Variants in SLC25A26 observed in about 807,000 individuals in gnomAD.
SLC25A26 encodes the protein mitochondrial S-adenosylmethionine carrier protein.
A neutral mutation model predicts 37.8 loss-of-function variants in SLC25A26; 36 were observed. That is an observed-to-expected ratio of 0.95 (90% CI 0.73 to 1.26). The LOEUF (loss-of-function observed/expected upper bound fraction) is 1.26, where lower values mean the gene tolerates loss of function less well. SLC25A26 is among the 50% of genes most tolerant of loss of function. The pLI is 0.00. For synonymous variants in SLC25A26, 129 were observed against 122.5 expected (o/e 1.05, Z -0.35); for missense variants, 390 against 331.1 (o/e 1.18, Z -1.38).
intron 5 of SLC25A26, among the ~76,000 whole-genome samples, chr3:66,332,989 C>A (rs1308676983): frequency 6.6e-6 from 1 of 152,048 alleles, no homozygotes; most frequent in African/African-American, 2.4e-5. Flanking sequence ...GGGTTTGCTA[C>A]TTTTCTCTTA....
intron 5 of SLC25A26, among the ~76,000 whole-genome samples, chr3:66,266,748 C>T (rs925165758): frequency 6.6e-6 from 1 of 151,886 alleles, no homozygotes; most frequent in South Asian, 2.1e-4. Context: ...TGATCTTTGC[C>T]AAATGAGATG....
rs548750540 is a variant in SLC25A26, at chr3:66,336,352, C to G, written c.454-10012C>G. Among the ~76,000 whole-genome samples the G allele has an allele frequency of 4.6e-5, 7 of 152,102 alleles. No homozygotes were observed. The South Asian group carries it at 1.0e-3, about 23-fold the overall frequency. ...TCTTTGTTATCTCAGTAAAGAGATG[C>G]TAAAATGTGCTGCTGAAAGGGAAGG... On this transcript the variant is annotated intron_variant, in intron 5 of 9. Transcript: ENST00000354883.
chr3:66,175,949 C>G (rs140601426), intron 1 of SLC25A26, among the ~76,000 whole-genome samples: 1 of 152,058 alleles, frequency 6.6e-6, no homozygotes, highest in Non-Finnish European at 1.5e-5. Flanking sequence ...TAATTATCAC[C>G]CATACAGACA....
rs751071697 is a variant in SLC25A26, at chr3:66,267,738, A to G, written c.453+4359A>G. ...GTCAACATGCCAAACAAGTAATTCAATCTGTTCAGTAAGTTCATTGAAGCC... is the reference window on the plus strand; with the variant it reads ...GTCAACATGCCAAACAAGTAATTCAGTCTGTTCAGTAAGTTCATTGAAGCC... On this transcript the variant is annotated intron_variant, in intron 5 of 9. Transcript: ENST00000354883. 3.7e-4 allele frequency among the ~76,000 whole-genome samples: 56 copies of G among 152,350 alleles called. 1 individual carries two copies. The highest frequency in any genetic ancestry group is 1.0e-3 in the African/African-American group (42 of 41,586).
intron 5 of SLC25A26, among the ~76,000 whole-genome samples, chr3:66,341,816 A>C (rs1205529933): frequency 1.3e-5 from 2 of 152,126 alleles, no homozygotes; most frequent in Non-Finnish European, 2.9e-5. Context: ...AAATAAATGA[A>C]CTGTAGTTGT....
In SLC25A26 at chr3:66,369,544, T is replaced by C; in HGVS notation, c.633+2T>C. ...AAGACAAGAATTACGCTGGCAAAGG[T>C]AAGTGGTGAAATAATGTAATGGAGA... On this transcript the variant is annotated splice_donor_variant, in intron 8 of 9. Transcript: ENST00000354883. LOFTEE classifies it high-confidence loss of function. 6.3e-7 allele frequency: 1 copy of C among 1,592,096 alleles called. No homozygotes were observed. The highest frequency in any genetic ancestry group is 1.1e-5 in the South Asian group (1 of 87,094).
intron 6 of SLC25A26, among the ~76,000 whole-genome samples, chr3:66,360,264 C>A (rs1053339599): frequency 6.6e-6 from 1 of 152,130 alleles, no homozygotes; most frequent in Non-Finnish European, 1.5e-5. Flanking sequence ...AAATGTCAGA[C>A]CACTCTCAGA....
intron 1 of SLC25A26, among the ~76,000 whole-genome samples, chr3:66,190,675 C>G (rs960780208): frequency 6.6e-6 from 1 of 152,110 alleles, no homozygotes; most frequent in Non-Finnish European, 1.5e-5. Context: ...GTGATTGACC[C>G]GCCTCAGCCT....
chr3:66,136,175 A>C (rs2069944177), intron 1 of SLC25A26, among the ~76,000 whole-genome samples: 1 of 152,198 alleles, frequency 6.6e-6, no homozygotes, highest in African/African-American at 2.4e-5. Flanking sequence ...TCTACTTGCA[A>C]ATTTATTTCA....
At chr3:66,145,739 C>G (rs1035794764) in intron 1 of SLC25A26, among the ~76,000 whole-genome samples, 10 of 152,148 alleles carry the variant, frequency 6.6e-5, no homozygotes, top group African/African-American at 2.4e-4. Flanking sequence ...TTTCTTTTTT[C>G]CCCACTATTA....
At chr3:66,264,417 G>A (rs115417544) in intron 5 of SLC25A26, among the ~76,000 whole-genome samples, 154 of 152,314 alleles carry the variant, frequency 1.0e-3, no homozygotes, top group Non-Finnish European at 1.2e-3. Flanking sequence ...GTACTGGTCC[G>A]TGGCCTGGTA....
chr3:66,145,385 G>T (rs929394139), intron 1 of SLC25A26, among the ~76,000 whole-genome samples: 1 of 152,150 alleles, frequency 6.6e-6, no homozygotes, highest in African/African-American at 2.4e-5. Context: ...CACCATATCA[G>T]GTTCTAAAGT....
intron 1 of SLC25A26, among the ~76,000 whole-genome samples, chr3:66,158,471 G>A (rs2070313601): frequency 6.6e-6 from 1 of 152,166 alleles, no homozygotes; most frequent in Admixed American, 6.5e-5. Flanking sequence ...TATGTCTGCA[G>A]GAATTGAATT....
intron 6 of SLC25A26, chr3:66,356,152 A>T: frequency 2.2e-6 from 1 of 447,776 alleles, no homozygotes; most frequent in Non-Finnish European, 4.5e-6. Context: ...AGTAGTGCTT[A>T]TTTGGGTGGG....
chr3:66,318,222 G>A (rs1264388923), intron 5 of SLC25A26, among the ~76,000 whole-genome samples: 1 of 152,174 alleles, frequency 6.6e-6, no homozygotes, highest in Non-Finnish European at 1.5e-5. Flanking sequence ...CTATGTCTCA[G>A]TGTCTGCTCG....
intron 1 of SLC25A26, among the ~76,000 whole-genome samples, chr3:66,232,007 A>G (rs781979277): frequency 3.3e-5 from 5 of 152,184 alleles, no homozygotes; most frequent in Non-Finnish European, 7.3e-5. Context: ...ACAGGGCCCC[A>G]GTGGATGGAC....
In SLC25A26 at chr3:66,369,540, A is replaced by T; in HGVS notation, c.631A>T (p.Lys211Ter). 6.3e-7 allele frequency: 1 copy of T among 1,594,704 alleles called. No homozygotes were observed. The highest frequency in any genetic ancestry group is 1.3e-5 in the African/African-American group (1 of 74,752). Residue 211 changes from lysine to a stop codon, truncating the protein, a stop_gained and splice_region_variant, in exon 8 of 10, where the codon AAG (lysine) becomes TAG (stop). Coordinates refer to ENST00000354883, the MANE Select transcript of SLC25A26 (RefSeq NM_001379210.1). LOFTEE classifies it high-confidence loss of function. Reference sequence around the variant, plus strand: ...GGCAAAGACAAGAATTACGCTGGCAAAGGTAAGTGGTGAAATAATGTAATG... The same window carrying T: ...GGCAAAGACAAGAATTACGCTGGCATAGGTAAGTGGTGAAATAATGTAATG... ...DVAKTRITLAKAGSSTADGNV... is the reference protein window; with the variant it reads ...DVAKTRITLA
chr3:66,327,320 G>A (rs2075862924), intron 5 of SLC25A26, among the ~76,000 whole-genome samples: 1 of 152,032 alleles, frequency 6.6e-6, no homozygotes. Flanking sequence ...GTTTTTCAAA[G>A]TTTTCTTAGT....
chr3:66,249,448 A>C (rs890832916), intron 3 of SLC25A26, among the ~76,000 whole-genome samples: 1 of 152,208 alleles, frequency 6.6e-6, no homozygotes, highest in Non-Finnish European at 1.5e-5. Flanking sequence ...GCTCCAGAGC[A>C]TGGTGCACAT....
Sources: allele counts gnomAD v4.1 joint callset (sites outside exome capture counted in the v4.1 genomes callset), GRCh38; gene constraint gnomAD v4.1.1; transcripts MANE v1.5; gene names NCBI Gene and HGNC (gene_info 2026-07-23, HGNC 2026-07-21).